ITGA2: variants seen among roughly 807,000 people sequenced by gnomAD.
The protein encoded by ITGA2 is integrin alpha-2.
ITGA2 carries 101 observed loss-of-function variants against 146.3 expected under a neutral mutation model. The ratio of observed to expected loss-of-function variants is 0.69; its 90% CI spans 0.59 to 0.81. ITGA2 has a LOEUF of 0.81. Ranked by LOEUF, ITGA2 falls within the 40% of genes least tolerant of loss-of-function variation. The pLI is 0.00. For synonymous variants in ITGA2, 477 were observed against 487.1 expected, an observed-to-expected ratio of 0.98 and a Z score of 0.27; for missense variants, 1,281 against 1,402.7, an observed-to-expected ratio of 0.91 and a Z score of 1.39.
In ITGA2 at chr5:52,989,385, A is replaced by T. The variant is rs1579759457; in HGVS notation, c.-84A>T. 2 of 1,380,042 alleles carry T rather than the reference A, an allele frequency of 1.4e-6. No individual in the cohort carries two copies. The highest frequency in any genetic ancestry group is 4.6e-5 in the East Asian group (2 of 43,704). The allele number at this position is 1,380,042 out of a possible 1,614,324, so 85.5% of individuals were successfully genotyped here. A position where few individuals can be genotyped will look rare whatever the true frequency, so the allele number is the denominator to read the frequency against. ...CCTCTGGACAGCTTCTAGAGTGTGC[A>T]GGTTCTCGTATCCCTCGGCCAAGGG... On this transcript the variant is annotated 5_prime_UTR_variant, in exon 1 of 30. Transcript: ENST00000296585.
chr5:53,069,499 T>G (rs148703311), intron 16 of ITGA2, among the ~76,000 whole-genome samples: 1 of 151,974 alleles, frequency 6.6e-6, no homozygotes, highest in Non-Finnish European at 1.5e-5. Context: ...CCTTAGAGTA[T>G]CTCAGTTAAT....
chr5:53,038,818 C>T (rs546470153), intron 2 of ITGA2, among the ~76,000 whole-genome samples: 3 of 152,256 alleles, frequency 2.0e-5, no homozygotes, highest in Admixed American at 2.0e-4. Context: ...TGGCCAGGCA[C>T]AGTGGCTCAC....
Position 53,054,787 on chromosome 5 carries a change from A to G in ITGA2, c.780-751A>G, listed in dbSNP as rs183742374. On this transcript the variant is annotated intron_variant, in intron 7 of 29. Coordinates refer to ENST00000296585, the MANE Select transcript of ITGA2 (RefSeq NM_002203.4). ...GTGGACTCTGGGGACTCAGGGGGGAAATGGTGGGAAGCGGGTGAGGGATAA... is the reference window on the plus strand; with the variant it reads ...GTGGACTCTGGGGACTCAGGGGGGAGATGGTGGGAAGCGGGTGAGGGATAA... Among the ~76,000 whole-genome samples, 511 of 152,150 alleles carry G rather than the reference A, an allele frequency of 3.4e-3. 4 individuals are homozygous for G. Among genetic ancestry groups the G allele is most frequent in the Admixed American group, 5.7e-3 (87 of 15,254 alleles).
Position 53,012,234 on chromosome 5 carries a change from TG to T in ITGA2, c.65-14513del, listed in dbSNP as rs369761135. ...ACTCTTGCTGAGAATTTGTAAGGTT[TG>T]TGGATGCATTTGGATTTATTTGGAT... is the stretch of plus-strand genomic sequence containing the variant. On this transcript the variant is annotated intron_variant, in intron 1 of 29. Transcript: ENST00000296585. Among the ~76,000 whole-genome samples the T allele has an allele frequency of 2.4e-3, 360 of 152,272 alleles. 2 individuals carry two copies. Among genetic ancestry groups the T allele is most frequent in the African/African-American group, 8.5e-3 (352 of 41,550 alleles).
chr5:53,037,727 C>A (rs924483025), intron 2 of ITGA2, among the ~76,000 whole-genome samples: 5 of 152,076 alleles, frequency 3.3e-5, no homozygotes, highest in Non-Finnish European at 7.4e-5. Context: ...TCTGTAGTCA[C>A]CAACATGACC....
chr5:53,042,962 C>A (rs1210385673), intron 3 of ITGA2, among the ~76,000 whole-genome samples: 1 of 152,082 alleles, frequency 6.6e-6, no homozygotes, highest in Non-Finnish European at 1.5e-5. Flanking sequence ...GTGATTAAGA[C>A]TTGGAAACAA....
intron 17 of ITGA2, among the ~76,000 whole-genome samples, chr5:53,070,546 CAGAG>C (rs1488654176): frequency 2.6e-5 from 4 of 151,982 alleles, no homozygotes; most frequent in African/African-American, 9.6e-5. Context: ...AAATGTTTAA[CAGAG>C]AGAACTTTCC....
intron 1 of ITGA2, among the ~76,000 whole-genome samples, chr5:52,998,836 T>C (rs997489487): frequency 1.3e-5 from 2 of 152,312 alleles, no homozygotes. Context: ...TGACAGCTAC[T>C]GTAAGGGGAT....
At chr5:53,038,774 A>G (rs1743627426) in intron 2 of ITGA2, among the ~76,000 whole-genome samples, 7 of 152,158 alleles carry the variant, frequency 4.6e-5, no homozygotes, top group Admixed American at 4.6e-4. Context: ...CATCTGTAAA[A>G]TGAAGTGTAA....
At chr5:53,003,893 TCCTCAG>T (rs931971377) in intron 1 of ITGA2, among the ~76,000 whole-genome samples, 17 of 152,180 alleles carry the variant, frequency 1.1e-4, no homozygotes, top group African/African-American at 3.6e-4. Flanking sequence ...CGATCTGCCC[TCCTCAG>T]CCTCCCGAAG....
At chr5:53,036,528 A>T (rs1165736961) in intron 2 of ITGA2, among the ~76,000 whole-genome samples, 1 of 152,100 alleles carries the variant, frequency 6.6e-6, no homozygotes, top group Non-Finnish European at 1.5e-5. Flanking sequence ...TAGAGTCTTA[A>T]GGTTTACTCT....
At chr5:53,005,742 T>C (rs1741816178) in intron 1 of ITGA2, among the ~76,000 whole-genome samples, 2 of 152,178 alleles carry the variant, frequency 1.3e-5, no homozygotes, top group African/African-American at 2.4e-5. Context: ...TTGAGAGTTT[T>C]ATATGCATTG....
At chr5:53,042,377 C>T (rs1006140289) in intron 3 of ITGA2, among the ~76,000 whole-genome samples, 156 bp downstream of exon 3, 3 of 151,968 alleles carry the variant, frequency 2.0e-5, no homozygotes, top group Non-Finnish European at 2.9e-5. Flanking sequence ...TCCAAATTTC[C>T]AAAACAGTTT....
chr5:53,049,234 ACTC>A (rs3212490), intron 6 of ITGA2, among the ~76,000 whole-genome samples: 16,612 of 151,498 alleles, frequency 0.11, 1,088 homozygotes, highest in African/African-American at 0.18. Context: ...CTGGCCTTGA[ACTC>A]CTGACCTCAG....
intron 8 of ITGA2, 57 bp downstream of exon 8, chr5:53,055,745 G>A (rs922136603): frequency 2.5e-6 from 4 of 1,588,518 alleles, no homozygotes; most frequent in South Asian, 1.1e-5. Context: ...TTTCTTTATA[G>A]CATCACTTCT....
chr5:53,090,498 C>A, intron 29 of ITGA2, 21 bp from the exon 30 acceptor site: 1 of 1,609,426 alleles, frequency 6.2e-7, no homozygotes, highest in Non-Finnish European at 8.5e-7. Context: ...TGGTAACATT[C>A]TTATATCATC....
intron 3 of ITGA2, among the ~76,000 whole-genome samples, chr5:53,042,955 A>AT (rs1332543506): frequency 6.6e-6 from 1 of 152,190 alleles, no homozygotes; most frequent in Admixed American, 6.5e-5. Flanking sequence ...AAAAATAGTG[A>AT]TTAAGACTTG....
At position 53,071,932 on chromosome 5, in the gene ITGA2, G is replaced by T. The variant is rs374856662; in HGVS notation, c.2236-6G>T. ...CCCCTGTATGTTTGTGTGTGTGTAT[G>T]TTTAGGAGCCCTCTGATGTTGTCAA... On this transcript the variant is annotated splice_polypyrimidine_tract_variant and splice_region_variant and intron_variant, in intron 17 of 29. Transcript: ENST00000296585. 8.1e-6 allele frequency: 13 copies of T among 1,607,958 alleles called. No homozygotes were observed. Among genetic ancestry groups the T allele is most frequent in the Non-Finnish European group, 1.1e-5 (13 of 1,175,234 alleles).
rs769857568 is a variant in ITGA2, at chr5:53,062,908, C to A, written c.1581C>A (p.Val527=). The A allele has an allele frequency of 1.4e-5, 22 of 1,608,872 alleles. No individual in the cohort carries two copies. The highest frequency in any genetic ancestry group is 1.8e-5 in the Non-Finnish European group (21 of 1,177,096). The change falls in exon 13 of 30, where the codon GTC becomes GTA. Residue 527 remains valine, a synonymous_variant. Transcript: ENST00000296585. Reference sequence around the variant, plus strand: ...ACCTAAAGAAAGAGGAAGGAAGAGTCTACCTGTTTACTATCAAAGAGGTAA... The same window carrying A: ...ACCTAAAGAAAGAGGAAGGAAGAGTATACCTGTTTACTATCAAAGAGGTAA... The part of the protein sequence containing the change: ...MSDLKKEEGR[V]YLFTIKEGIL...
Sources: gnomAD v4.1 joint callset for allele counts (sites outside exome capture counted in the v4.1 genomes callset) on GRCh38, gnomAD v4.1.1 for gene constraint, MANE v1.5 for transcripts, NCBI Gene and HGNC (gene_info 2026-07-23, HGNC 2026-07-21) for gene names.